VPS13C: variants seen among roughly 807,000 people sequenced by gnomAD.
VPS13C encodes intermembrane lipid transfer protein VPS13C.
Under a neutral mutation model 456.8 loss-of-function variants are expected in VPS13C, and 358 were observed. That is an observed-to-expected ratio of 0.78 (90% CI 0.72 to 0.86). VPS13C has a LOEUF of 0.86. VPS13C is among the 40% of genes least tolerant of loss of function. The pLI is 0.00. For missense variants in VPS13C, 4,818 were observed against 4,385.4 expected, an observed-to-expected ratio of 1.10 and a Z score of -2.79; for synonymous variants, 1,578 against 1,486.7, an observed-to-expected ratio of 1.06 and a Z score of -1.41.
chr15:62,035,456 CACA>C (rs1016212277), intron 3 of VPS13C, among the ~76,000 whole-genome samples: 1 of 151,814 alleles, frequency 6.6e-6, no homozygotes, highest in Non-Finnish European at 1.5e-5. Context: ...AGATTCGGTG[CACA>C]ACAACAGTTG....
chr15:61,978,676 T>C lies in VPS13C; in HGVS notation c.2240A>G (p.Asp747Gly), dbSNP rs1176777372. 6.2e-7 allele frequency: 1 copy of C among 1,613,090 alleles called. No individual in the cohort carries two copies. The highest frequency in any genetic ancestry group is 1.3e-5 in the African/African-American group (1 of 75,022). ...ATTTTTTATTTCAACATCAAACTTGTCATATGCCTTATCCATTATTTCTTC... is the reference window on the plus strand; with the variant it reads ...ATTTTTTATTTCAACATCAAACTTGCCATATGCCTTATCCATTATTTCTTC... ...SLEEIMDKAY[D>G]KFDVEIKNVQ... Residue 747 changes from aspartate (D) to glycine (G), a missense_variant, in exon 23 of 85, where the codon GAC becomes GGC. Asp to Gly is a moderately conservative substitution (Grantham distance 94). Around this residue, in one of 3 missense-constraint regions of VPS13C, gnomAD observed 4,552 missense variants for 4,130.6 expected, o/e 1.10. Coordinates refer to ENST00000644861, the MANE Select transcript of VPS13C (RefSeq NM_020821.3).
chr15:61,882,674 G>A lies in VPS13C; in HGVS notation c.9546C>T (p.Asp3182=), dbSNP rs772151347. ...ATTCAATCTGAATTCCTGATAAAAAGTCTCGTTTAATAGGGCTACGAATAG... is the reference window on the plus strand; with the variant it reads ...ATTCAATCTGAATTCCTGATAAAAAATCTCGTTTAATAGGGCTACGAATAG... The part of the protein sequence containing the change: ...RLPIRSPIKR[D]FLSGIQIEFK... The change falls in exon 69 of 85, where the codon GAC becomes GAT. Residue 3182 remains aspartate (D), a synonymous_variant. Coordinates refer to ENST00000644861, the MANE Select transcript of VPS13C (RefSeq NM_020821.3). The A allele has an allele frequency of 6.3e-7, 1 of 1,599,350 alleles. No individual in the cohort carries two copies.
chr15:61,996,233 AAACT>A (rs1225923567), intron 16 of VPS13C, among the ~76,000 whole-genome samples: 1 of 152,214 alleles, frequency 6.6e-6, no homozygotes, highest in Non-Finnish European at 1.5e-5. Context: ...CGCAAGTCTC[AAACT>A]AACCCCAGTA....
intron 21 of VPS13C, 61 bp from the exon 22 acceptor site, chr15:61,981,539 T>G: frequency 1.4e-6 from 2 of 1,466,306 alleles, no homozygotes; most frequent in South Asian, 2.7e-5. Context: ...AATCATATTA[T>G]TAACAACTAG....
chr15:61,942,258 AAG>A (rs2044453907), intron 45 of VPS13C, among the ~76,000 whole-genome samples, 191 bp from the exon 46 acceptor site: 3 of 151,794 alleles, frequency 2.0e-5, no homozygotes, highest in Admixed American at 1.3e-4. Flanking sequence ...TGTAGGAAGA[AAG>A]AGCTCTTTCT....
intron 66 of VPS13C, among the ~76,000 whole-genome samples, chr15:61,891,086 G>A (rs2042636483): frequency 6.6e-6 from 1 of 152,052 alleles, no homozygotes; most frequent in Non-Finnish European, 1.5e-5. Context: ...GACAAAACCA[G>A]CCTAGCTTAT....
chr15:61,894,233 A>C (rs769154247), intron 66 of VPS13C, among the ~76,000 whole-genome samples: 1 of 151,844 alleles, frequency 6.6e-6, no homozygotes, highest in Non-Finnish European at 1.5e-5. Context: ...GCTTGAACCA[A>C]GGAGGTGGAG....
At chr15:61,987,942 G>C (rs1021169845) in intron 18 of VPS13C, among the ~76,000 whole-genome samples, 3 of 152,102 alleles carry the variant, frequency 2.0e-5, no homozygotes, top group African/African-American at 7.2e-5. Context: ...TATGTTCATA[G>C]CAGTGTTATC....
intron 1 of VPS13C, among the ~76,000 whole-genome samples, chr15:62,051,484 G>A (rs916975340): frequency 1.3e-5 from 2 of 152,150 alleles, no homozygotes. Flanking sequence ...GCAGTCTCAA[G>A]GCTCAAATCT....
intron 61 of VPS13C, among the ~76,000 whole-genome samples, chr15:61,914,917 G>T (rs2043420199): frequency 7.4e-6 from 1 of 135,122 alleles, no homozygotes. Flanking sequence ...AAACCTTTAG[G>T]TGTTTCTAAT....
chr15:61,867,362 C>T lies in VPS13C; in HGVS notation c.10863+1297G>A, dbSNP rs1894665997. 1.0e-6 allele frequency: 1 copy of T among 985,304 alleles called. No homozygotes were observed. The highest frequency in any genetic ancestry group is 5.2e-4 in the Middle Eastern group (1 of 1,916). The allele number at this position is 985,304 out of a possible 1,614,324, so 61.0% of individuals were successfully genotyped here. Reference sequence around the variant, plus strand: ...GAAAAAGAGGGAAGAGGAAACATATCCTCAAAATTCATGTGCCAACTATTT... The same window carrying T: ...GAAAAAGAGGGAAGAGGAAACATATTCTCAAAATTCATGTGCCAACTATTT... On this transcript the variant is annotated intron_variant, in intron 81 of 84. Transcript: ENST00000644861. The surrounding 1 kb of genome is among the most constrained non-coding windows in gnomAD (Gnocchi z 5.0).
intron 34 of VPS13C, 69 bp from the exon 35 acceptor site, chr15:61,961,962 C>G: frequency 6.7e-7 from 1 of 1,482,852 alleles, no homozygotes; most frequent in South Asian, 1.4e-5. Context: ...ACACTATCTT[C>G]TTTTCATACA....
At chr15:62,016,770 C>T (rs558980932) in intron 9 of VPS13C, among the ~76,000 whole-genome samples, 157 of 152,138 alleles carry the variant, frequency 1.0e-3, no homozygotes, top group Non-Finnish European at 1.7e-3. Flanking sequence ...GATTTATATT[C>T]CTTTGGGTAT....
In VPS13C at chr15:61,909,257, G is replaced by T. The variant is rs1190568515; in HGVS notation, c.8845-132C>A. ...CAGAGTCTTGCTGTCACCCAGGCTG[G>T]AGTACAGTGGCGCCATCTCGGGTTA... is the stretch of plus-strand genomic sequence containing the variant. On this transcript the variant is annotated intron_variant, in intron 64 of 84. Coordinates refer to ENST00000644861, the MANE Select transcript of VPS13C (RefSeq NM_020821.3). 3 of 1,116,640 alleles carry T rather than the reference G, an allele frequency of 2.7e-6. No homozygotes were observed. The African/African-American group carries it at 4.7e-5, about 18-fold the overall frequency. 69.2% of individuals were successfully genotyped at this position (1,116,640 alleles called of 1,614,324 possible).
intron 18 of VPS13C, among the ~76,000 whole-genome samples, chr15:61,987,317 C>T (rs1251515636): frequency 6.6e-6 from 1 of 151,958 alleles, no homozygotes; most frequent in Non-Finnish European, 1.5e-5. Flanking sequence ...TAAAGACATA[C>T]CTGAGACTGG....
chr15:61,863,615 G>C, intron 81 of VPS13C, 87 bp from the exon 82 acceptor site: 1 of 792,834 alleles, frequency 1.3e-6, no homozygotes, highest in Non-Finnish European at 2.0e-6. Flanking sequence ...TATAATAATA[G>C]TGTTAGGAAA....
intron 49 of VPS13C, among the ~76,000 whole-genome samples, chr15:61,933,862 A>C (rs1266013468): frequency 6.6e-6 from 1 of 152,026 alleles, no homozygotes; most frequent in African/African-American, 2.4e-5. Flanking sequence ...TCACTACTAA[A>C]TTATTCTTAA....
chr15:61,872,735 TATA>T (rs1387925090), intron 78 of VPS13C, among the ~76,000 whole-genome samples: 2 of 152,098 alleles, frequency 1.3e-5, no homozygotes, highest in Non-Finnish European at 2.9e-5. Context: ...TAGCCTTACT[TATA>T]ATGTTTTATT....
At chr15:61,962,956 C>A in intron 32 of VPS13C, 104 bp from the exon 33 acceptor site, 3 of 808,808 alleles carry the variant, frequency 3.7e-6, no homozygotes, top group Admixed American at 3.3e-5. Flanking sequence ...TTAAATTTAG[C>A]AATGTTTCAA....
Sources: allele counts gnomAD v4.1 joint callset (sites outside exome capture counted in the v4.1 genomes callset), GRCh38; gene constraint gnomAD v4.1.1; regional missense constraint gnomAD v4.1.1; non-coding constraint Gnocchi (gnomAD v3.1); transcripts MANE v1.5; gene names NCBI Gene and HGNC (gene_info 2026-07-23, HGNC 2026-07-21).